PLPP1: variants seen among roughly 807,000 people sequenced by gnomAD.
PLPP1 encodes lipid phosphate phosphohydrolase 1a.
PLPP1 carries 24 observed loss-of-function variants against 31.2 expected under a neutral mutation model. That is an observed-to-expected ratio of 0.77 (90% CI 0.56 to 1.08). The LOEUF (loss-of-function observed/expected upper bound fraction) is 1.08, where lower values mean the gene tolerates loss of function less well. Among genes scored for constraint, PLPP1 ranks in the 50% least tolerant of loss-of-function variants. The pLI, the probability that PLPP1 is intolerant of heterozygous loss-of-function variation, is 0.00. For missense variants in PLPP1, 319 were observed against 342.7 expected, an observed-to-expected ratio of 0.93 and a Z score of 0.55; for synonymous variants, 146 against 126.3, an observed-to-expected ratio of 1.16 and a Z score of -1.05.
intron 1 of PLPP1, among the ~76,000 whole-genome samples, chr5:55,532,899 TGAGCCAAGATC>T (rs1472742414): frequency 1.4e-5 from 2 of 146,822 alleles, no homozygotes; most frequent in Non-Finnish European, 3.0e-5. Flanking sequence ...GAGGTTGCAG[TGAGCCAAGATC>T]GCGCCACTGC....
At chr5:55,456,426 G>A (rs1159489171) in intron 3 of PLPP1, among the ~76,000 whole-genome samples, 1 of 152,126 alleles carries the variant, frequency 6.6e-6, no homozygotes, top group Non-Finnish European at 1.5e-5. Context: ...CAACAAAAAT[G>A]ACTCATTATG....
intron 1 of PLPP1, among the ~76,000 whole-genome samples, chr5:55,504,062 C>T (rs1025275735): frequency 6.6e-6 from 1 of 151,860 alleles, no homozygotes; most frequent in Admixed American, 6.6e-5. Context: ...TGAGATCAGG[C>T]AATTTTGTTT....
intron 2 of PLPP1, chr5:55,468,420 ATTTT>A: frequency 3.6e-6 from 1 of 274,384 alleles, no homozygotes. Context: ...ACAAGATCTT[ATTTT>A]TTTTTTCTTG....
At position 55,475,317 on chromosome 5, in the gene PLPP1, A is replaced by C; in HGVS notation, c.192T>G (p.Ile64Met). The change falls in exon 2 of 6, where the codon ATT becomes ATG. Residue 64 changes from isoleucine to methionine, a missense_variant. By Grantham distance (10) the Ile-to-Met change is conservative. Coordinates refer to ENST00000307259, the MANE Select transcript of PLPP1 (RefSeq NM_003711.4). ...IPYALLGGII[I>M]PFSIIVIILG... The stretch of plus-strand genomic sequence containing the variant: ...AACTTACAACGATAATACTGAATGG[A>C]ATGATTATTCCACCTAATAACGCAT... 2 of 1,610,992 alleles carry C rather than the reference A, an allele frequency of 1.2e-6. No homozygotes were observed. The highest frequency in any genetic ancestry group is 4.5e-5 in the East Asian group (2 of 44,774).
intron 1 of PLPP1, among the ~76,000 whole-genome samples, chr5:55,511,789 G>A (rs950102080): frequency 1.3e-5 from 2 of 148,794 alleles, no homozygotes; most frequent in African/African-American, 5.0e-5. Flanking sequence ...TCAGCCTCCA[G>A]AGTAGCTGGG....
chr5:55,533,696 TTTTG>T (rs1740766288), intron 1 of PLPP1, among the ~76,000 whole-genome samples: 1 of 152,204 alleles, frequency 6.6e-6, no homozygotes, highest in Non-Finnish European at 1.5e-5. Context: ...CTTGCTTTGT[TTTTG>T]TTTATTCCAT....
chr5:55,494,521 C>T lies in PLPP1; in HGVS notation c.59-19071G>A, dbSNP rs1579963386. Among the ~76,000 whole-genome samples the T allele has an allele frequency of 1.1e-4, 17 of 152,278 alleles. 1 individual carries two copies. In the South Asian group the frequency reaches 3.5e-3, roughly 32 times the overall value. ...ATCTGGCACCTCCCTAAATGCTCAG[C>T]CTCATCTTCCACTGTCCCCTTAAGG... On this transcript the variant is annotated intron_variant, in intron 1 of 5. Transcript: ENST00000307259.
At chr5:55,451,361 G>T (rs1262809758) in intron 3 of PLPP1, among the ~76,000 whole-genome samples, 2 of 152,152 alleles carry the variant, frequency 1.3e-5, no homozygotes, top group African/African-American at 2.4e-5. Flanking sequence ...CAGAAATTTA[G>T]ATTTGAGTTG....
At chr5:55,516,713 C>T (rs1424282047) in intron 1 of PLPP1, among the ~76,000 whole-genome samples, 1 of 152,194 alleles carries the variant, frequency 6.6e-6, no homozygotes, top group Non-Finnish European at 1.5e-5. Flanking sequence ...CATACTCAAA[C>T]TTTATGTATC....
chr5:55,462,442 A>C (rs1357730098), intron 3 of PLPP1, among the ~76,000 whole-genome samples: 1 of 152,236 alleles, frequency 6.6e-6, no homozygotes, highest in African/African-American at 2.4e-5. Context: ...TATTCAATGG[A>C]GAAAAAGTAG....
chr5:55,532,081 C>T (rs1199825246), intron 1 of PLPP1, among the ~76,000 whole-genome samples: 1 of 152,182 alleles, frequency 6.6e-6, no homozygotes, highest in Non-Finnish European at 1.5e-5. Flanking sequence ...AGCTATTGTA[C>T]TCCTGCAACT....
intron 1 of PLPP1, among the ~76,000 whole-genome samples, chr5:55,511,978 A>G (rs1753423993): frequency 1.3e-5 from 2 of 151,488 alleles, no homozygotes; most frequent in South Asian, 4.2e-4. Context: ...TACAAAAATT[A>G]GCTGGGCGTG....
chr5:55,447,255 A>C (rs1259409856), intron 3 of PLPP1, among the ~76,000 whole-genome samples: 3 of 152,222 alleles, frequency 2.0e-5, no homozygotes, highest in African/African-American at 4.8e-5. Context: ...ACTAACAGAC[A>C]AAATAGTTTC....
At chr5:55,532,887 C>CGGAGGTT (rs1390125797) in intron 1 of PLPP1, among the ~76,000 whole-genome samples, 3 of 148,180 alleles carry the variant, frequency 2.0e-5, no homozygotes, top group Non-Finnish European at 4.4e-5. Flanking sequence ...ACCCGGGAAG[C>CGGAGGTT]GGAGGTTGCA....
At chr5:55,524,845 C>T (rs1753747670) in intron 1 of PLPP1, among the ~76,000 whole-genome samples, 1 of 152,168 alleles carries the variant, frequency 6.6e-6, no homozygotes, top group South Asian at 2.1e-4. Context: ...ATTAACTCTA[C>T]TTTTTTATAA....
chr5:55,449,028 GCAATTTTTTTCACAAGTATTTTC>G (rs1751834353), intron 3 of PLPP1, among the ~76,000 whole-genome samples: 1 of 152,168 alleles, frequency 6.6e-6, no homozygotes, highest in Non-Finnish European at 1.5e-5. Flanking sequence ...CAGTACAGAT[GCAATTTTTTTCACAAGTATTTTC>G]AATCCACAGT....
At chr5:55,522,818 A>T (rs916828485) in intron 1 of PLPP1, among the ~76,000 whole-genome samples, 1 of 152,096 alleles carries the variant, frequency 6.6e-6, no homozygotes. Flanking sequence ...TCCTGGGTTC[A>T]CGCCATTCTC....
rs142718904 is a variant in PLPP1 at position 55,491,156 on chromosome 5, A to G, written c.59-15706T>C. ...AAAAAGACACACATGATTAAATTCA[A>G]TTCACTTCATTAGGAAGTAAAGTCT... is the stretch of plus-strand genomic sequence containing the variant. On this transcript the variant is annotated intron_variant, in intron 1 of 5. Coordinates refer to ENST00000307259, the MANE Select transcript of PLPP1 (RefSeq NM_003711.4). The G allele has an allele frequency of 7.9e-5, 125 of 1,585,150 alleles. No individual in the cohort carries two copies. The African/African-American group carries it at 1.4e-3, about 18-fold the overall frequency.
intron 4 of PLPP1, among the ~76,000 whole-genome samples, chr5:55,431,629 A>T (rs1751351031): frequency 6.6e-6 from 1 of 152,202 alleles, no homozygotes; most frequent in Non-Finnish European, 1.5e-5. Flanking sequence ...TAGGAGGTAA[A>T]TTAATACCAA....
Sources: allele counts gnomAD v4.1 joint callset (sites outside exome capture counted in the v4.1 genomes callset), GRCh38; gene constraint gnomAD v4.1.1; transcripts MANE v1.5; gene names NCBI Gene and HGNC (gene_info 2026-07-23, HGNC 2026-07-21).